SPANXN3: variants seen among roughly 807,000 people sequenced by gnomAD.
The protein encoded by SPANXN3 is SPANX family member N3.
SPANXN3 carries 1 observed loss-of-function variant against 1.9 expected under a neutral mutation model. That is an observed-to-expected ratio of 0.54 (90% confidence interval 0.19 to 2.54). The LOEUF (loss-of-function observed/expected upper bound fraction) is 2.54. Ranked by LOEUF, SPANXN3 falls within the 30% of genes most tolerant of loss-of-function variation. The probability of loss-of-function intolerance (pLI) is 0.24; values close to 1 mark genes in which losing one functional copy is unlikely to be tolerated. For missense variants in SPANXN3, 113 were observed against 96.2 expected, an observed-to-expected ratio of 1.17 and a Z score of -0.73; for synonymous variants, 47 against 40.0, an observed-to-expected ratio of 1.17 and a Z score of -0.66.
Position 143,509,090 on chromosome X carries a change from T to C in SPANXN3, c.151A>G (p.Ile51Val). Residue 51 changes from isoleucine to valine, a missense_variant, in exon 2 of 2, where the codon ATA (isoleucine) becomes GTA (valine). Physicochemically the swap from Ile to Val is conservative, Grantham distance 29. Coordinates refer to ENST00000370503, the MANE Select transcript of SPANXN3 (RefSeq NM_001009609.4). ...LKNTKTSEYP[I>V]IFVYYLRKGK... ...TTCCTGAGGTAATACACAAATATTA[T>C]TGGATATTCTGATGTTTTTGTGTTC... 11 of 1,211,861 alleles carry C rather than the reference T, an allele frequency of 9.1e-6. No homozygotes were observed. The highest frequency in any genetic ancestry group is 1.2e-5 in the Non-Finnish European group (11 of 895,434).
chrX:143,509,220 A>T (rs1929035027), intron 1 of SPANXN3, 58 bp from the exon 2 acceptor site: 7 of 984,996 alleles, frequency 7.1e-6, no homozygotes, highest in Non-Finnish European at 8.4e-6. Context: ...TAGGATAGAG[A>T]CTAGATAGCA....
rs782642807 is a variant in SPANXN3, at chrX:143,508,920, T to C, written c.321A>G (p.Gly107=). Residue 107 remains glycine, a synonymous_variant, in exon 2 of 2, where the codon GGA becomes GGG. Transcript: ENST00000370503. ...NEDEDLGPCE[G]PSKEDKDLDS... The stretch of plus-strand genomic sequence containing the variant: ...CTAGATCTTTGTCCTCCTTTGAAGG[T>C]CCTTCACATGGGCCTAGGTCTTCAT... The C allele has an allele frequency of 6.6e-6, 8 of 1,209,655 alleles. No individual in the cohort carries two copies. The highest frequency in any genetic ancestry group is 8.9e-6 in the Non-Finnish European group (8 of 894,806).
intron 1 of SPANXN3, among the ~76,000 whole-genome samples, chrX:143,511,954 G>A (rs782415889): frequency 1.8e-5 from 2 of 111,280 alleles, no homozygotes; most frequent in African/African-American, 6.5e-5. Flanking sequence ...TACTCAATAC[G>A]ACAACTAGTT....
rs782479214 is a variant in SPANXN3, at chrX:143,509,067, C to T, written c.174G>A (p.Arg58=). Residue 58 remains arginine, a synonymous_variant, in exon 2 of 2, where the codon AGG becomes AGA. Transcript: ENST00000370503. ...EYPIIFVYYL[R]KGKKINSNQL... ...GATTTGAATTTATTTTCTTACCCTT[C>T]CTGAGGTAATACACAAATATTATTG... The T allele has an allele frequency of 1.7e-6, 2 of 1,211,317 alleles. No individual in the cohort carries two copies. The highest frequency in any genetic ancestry group is 1.8e-5 in the South Asian group (1 of 56,975).
chrX:143,517,366 T>C lies in SPANXN3; in HGVS notation c.26A>G (p.Asn9Ser), dbSNP rs1166126825. The C allele has an allele frequency of 5.0e-6, 6 of 1,209,708 alleles. No homozygotes were observed. Among genetic ancestry groups the C allele is most frequent in the African/African-American group, 1.8e-5 (1 of 57,127 alleles). MEQPTSSTNGEKTKSPCES... is the reference protein window; with the variant it reads MEQPTSSTSGEKTKSPCES... ...ACAGGGGCTCTTCGTCTTCTCCCCA[T>C]TGGTGCTGGAAGTTGGCTGTTCCAT... Residue 9 changes from asparagine (N) to serine (S), a missense_variant, in exon 1 of 2, where the codon AAT becomes AGT. Transcript: ENST00000370503.
rs147470969 is a variant in SPANXN3 at position 143,510,850 on chromosome X, T to C, written c.79-1688A>G. Among the ~76,000 whole-genome samples the C allele has an allele frequency of 8.4e-3, 905 of 108,250 alleles. 11 individuals carry two copies. The highest frequency in any genetic ancestry group is 0.028 in the African/African-American group (844 of 29,690). The allele number at this position is 108,250 out of a possible 115,157, so 94.0% of individuals were successfully genotyped here. On this transcript the variant is annotated intron_variant, in intron 1 of 1. Coordinates refer to ENST00000370503, the MANE Select transcript of SPANXN3 (RefSeq NM_001009609.4). ...GGATCCGGCTCCTCCACCCCCTTAC[T>C]GTCACCCTCCATCCCCCTTCCTTCT... is the stretch of plus-strand genomic sequence containing the variant.
intron 1 of SPANXN3, among the ~76,000 whole-genome samples, chrX:143,512,221 C>T (rs1242619297): frequency 3.6e-4 from 40 of 110,179 alleles, no homozygotes; most frequent in African/African-American, 1.2e-3. Context: ...GACACCCAAA[C>T]GCTTCCCTCT....
chrX:143,513,204 A>G (rs1372076191), intron 1 of SPANXN3, among the ~76,000 whole-genome samples: 1 of 111,739 alleles, frequency 8.9e-6, no homozygotes, highest in Non-Finnish European at 1.9e-5. Flanking sequence ...TAAAACCCCT[A>G]AACCCAGCTT....
chrX:143,511,352 G>A (rs1424065815), intron 1 of SPANXN3, among the ~76,000 whole-genome samples: 3 of 111,325 alleles, frequency 2.7e-5, no homozygotes, highest in African/African-American at 9.8e-5. Flanking sequence ...AGTCGCCCCT[G>A]CTCTTTTCCT....
intron 1 of SPANXN3, among the ~76,000 whole-genome samples, chrX:143,514,093 A>C (rs782384060): frequency 4.5e-5 from 5 of 112,324 alleles, no homozygotes; most frequent in African/African-American, 1.6e-4. Context: ...AACTACCACC[A>C]AAGGCCACCA....
intron 1 of SPANXN3, among the ~76,000 whole-genome samples, chrX:143,515,177 C>G (rs2124259449): frequency 9.0e-6 from 1 of 110,947 alleles, no homozygotes; most frequent in African/African-American, 3.3e-5. Context: ...CCCTTTCCAA[C>G]CTAAGCGGAA....
chrX:143,508,811 G>A lies in SPANXN3; in HGVS notation c.*4C>T, dbSNP rs782772696. On this transcript the variant is annotated 3_prime_UTR_variant, in exon 2 of 2. Transcript: ENST00000370503. ...TTTGTCCAATTTGGTTTCTCCATGT[G>A]TGACTAATCCTCCCCACTGTCCTGT... 8.4e-7 allele frequency: 1 copy of A among 1,196,544 alleles called. No individual in the cohort carries two copies. Among genetic ancestry groups the A allele is most frequent in the African/African-American group, 1.7e-5 (1 of 57,298 alleles).
rs1241960144 is a variant in SPANXN3, at chrX:143,516,752, C to T, written c.78+562G>A. On this transcript the variant is annotated intron_variant, in intron 1 of 1. Transcript: ENST00000370503. ...GAAAACAACTCTGAAGTCCAACACCCACTGCTTCAAAACCCAAACCCTGAT... is the reference window on the plus strand; with the variant it reads ...GAAAACAACTCTGAAGTCCAACACCTACTGCTTCAAAACCCAAACCCTGAT... The T allele has an allele frequency of 5.2e-5, 6 of 115,592 alleles. No homozygotes were observed. The Admixed American group carries it at 5.3e-4, about 10-fold the overall frequency. The allele number at this position is 115,592 out of a possible 1,213,427, so 9.5% of individuals were successfully genotyped here.
intron 1 of SPANXN3, among the ~76,000 whole-genome samples, chrX:143,511,194 A>G (rs781935734): frequency 1.8e-5 from 2 of 111,096 alleles, no homozygotes. Flanking sequence ...GTCCATGAGA[A>G]CACCCTCCAC....
At chrX:143,515,575 T>A (rs782418727) in intron 1 of SPANXN3, among the ~76,000 whole-genome samples, 6 of 111,415 alleles carry the variant, frequency 5.4e-5, no homozygotes, top group Non-Finnish European at 9.4e-5. Flanking sequence ...TTTCTTCTTT[T>A]GTCCTCTTTG....
At chrX:143,511,050 T>A (rs1467402623) in intron 1 of SPANXN3, among the ~76,000 whole-genome samples, 2 of 112,075 alleles carry the variant, frequency 1.8e-5, no homozygotes, top group Non-Finnish European at 3.8e-5. Context: ...TCCTTTTCAA[T>A]GGATCCTACC....
chrX:143,514,447 A>G (rs192039648), intron 1 of SPANXN3, among the ~76,000 whole-genome samples: 34 of 111,689 alleles, frequency 3.0e-4, no homozygotes, highest in Non-Finnish European at 1.9e-5. Flanking sequence ...TTACTAAGGC[A>G]TGTTCCCTTT....
rs1929033060 is a variant in SPANXN3 at position 143,509,179 on chromosome X, G to A, written c.79-17C>T. 1.7e-6 allele frequency: 2 copies of A among 1,170,715 alleles called. No individual in the cohort carries two copies. The highest frequency in any genetic ancestry group is 3.6e-5 in the African/African-American group (2 of 56,090). Reference sequence around the variant, plus strand: ...CTCTTGCATCTGGTAAGAAAATAGGGAGAGGCCAGAAAGACATTATTTTGG... The same window carrying A: ...CTCTTGCATCTGGTAAGAAAATAGGAAGAGGCCAGAAAGACATTATTTTGG... On this transcript the variant is annotated splice_polypyrimidine_tract_variant and intron_variant, in intron 1 of 1. Transcript: ENST00000370503.
intron 1 of SPANXN3, among the ~76,000 whole-genome samples, chrX:143,513,070 C>A (rs145461156): frequency 0.022 from 2,481 of 110,476 alleles, 27 homozygotes; most frequent in African/African-American, 0.032. Context: ...TTGGGACATG[C>A]CCTTTCCTCA....
Sources: allele counts gnomAD v4.1 joint callset (sites outside exome capture counted in the v4.1 genomes callset), GRCh38; gene constraint gnomAD v4.1.1; transcripts MANE v1.5; gene names NCBI Gene and HGNC (gene_info 2026-07-23, HGNC 2026-07-21).